The following RXRA variants were observed in gnomAD, a reference collection of about 807,000 sequenced individuals.
RXRA encodes retinoic acid receptor RXR-alpha.
RXRA carries 5 observed loss-of-function variants against 44.5 expected under a neutral mutation model. That is an observed-to-expected ratio of 0.11 (90% CI 0.06 to 0.24). The LOEUF is 0.24. Among genes scored for constraint, RXRA ranks in the 10% least tolerant of loss-of-function variants. The probability of loss-of-function intolerance (pLI) is 1.00; values close to 1 mark genes in which losing one functional copy is unlikely to be tolerated. For missense variants in RXRA, 412 were observed against 646.5 expected (o/e 0.64, Z 3.93); for synonymous variants, 291 against 271.4 (o/e 1.07, Z -0.71).
chr9:134,375,347 C>G (rs933573922), intron 1 of RXRA, among the ~76,000 whole-genome samples: 2 of 152,114 alleles, frequency 1.3e-5, no homozygotes, highest in African/African-American at 4.8e-5. Flanking sequence ...GCTGGCTGGG[C>G]ACCCAGGAAA....
intron 1 of RXRA, among the ~76,000 whole-genome samples, chr9:134,399,146 C>T (rs1048585955): frequency 6.6e-6 from 1 of 152,218 alleles, no homozygotes; most frequent in Non-Finnish European, 1.5e-5. Context: ...AAGAAGCTGG[C>T]TCAGGTTTCC....
At chr9:134,350,407 G>A (rs1830207226) in intron 1 of RXRA, among the ~76,000 whole-genome samples, 1 of 152,214 alleles carries the variant, frequency 6.6e-6, no homozygotes, top group Non-Finnish European at 1.5e-5. Flanking sequence ...CCTGGGTGGT[G>A]GCTCAGAGCT....
At chr9:134,391,658 AGG>A (rs1830801616) in intron 1 of RXRA, among the ~76,000 whole-genome samples, 1 of 152,002 alleles carries the variant, frequency 6.6e-6, no homozygotes, top group Non-Finnish European at 1.5e-5. Context: ...GGCCCTGGAG[AGG>A]TGAGCATTCT....
chr9:134,328,497 TCTCGAGCAGCAG>T (rs1834950811), intron 1 of RXRA, among the ~76,000 whole-genome samples: 2 of 151,988 alleles, frequency 1.3e-5, no homozygotes, highest in African/African-American at 4.8e-5. Context: ...AGTCTTCTGT[TCTCGAGCAGCAG>T]CTCTCCCGAC....
chr9:134,416,480 T>G (rs1168097634), intron 4 of RXRA, among the ~76,000 whole-genome samples: 1 of 152,118 alleles, frequency 6.6e-6, no homozygotes, highest in Non-Finnish European at 1.5e-5. Flanking sequence ...CTCGGTGCCC[T>G]GCATGGGGCA....
intron 1 of RXRA, among the ~76,000 whole-genome samples, chr9:134,350,348 C>G (rs1253315135): frequency 6.6e-6 from 1 of 152,218 alleles, no homozygotes; most frequent in African/African-American, 2.4e-5. Context: ...CCCTTTGCCC[C>G]TCCAAGCCTC....
At chr9:134,374,656 C>T (rs1225029156) in intron 1 of RXRA, among the ~76,000 whole-genome samples, 1 of 152,254 alleles carries the variant, frequency 6.6e-6, no homozygotes, top group Non-Finnish European at 1.5e-5. Context: ...AGGCCAGCGG[C>T]TGCCTGGGGA....
At chr9:134,434,921 G>C (rs917235162) in intron 9 of RXRA, among the ~76,000 whole-genome samples, 2 of 151,910 alleles carry the variant, frequency 1.3e-5, no homozygotes, top group Non-Finnish European at 2.9e-5. Context: ...AGGCCTTCCC[G>C]CCACCAGCAC....
At chr9:134,383,636 C>T (rs1423298084) in intron 1 of RXRA, among the ~76,000 whole-genome samples, 2 of 152,172 alleles carry the variant, frequency 1.3e-5, no homozygotes, top group African/African-American at 2.4e-5. Context: ...ACCAGGCCCT[C>T]AGGCAGCTGG....
At chr9:134,360,714 C>A (rs1425604077) in intron 1 of RXRA, among the ~76,000 whole-genome samples, 2 of 152,206 alleles carry the variant, frequency 1.3e-5, no homozygotes, top group Non-Finnish European at 2.9e-5. Flanking sequence ...GGACCTGGGA[C>A]CACAGAGAGA....
chr9:134,380,478 G>A (rs1318087315), intron 1 of RXRA, among the ~76,000 whole-genome samples: 3 of 121,720 alleles, frequency 2.5e-5, no homozygotes, highest in Non-Finnish European at 3.7e-5. Context: ...AGCAGATGCC[G>A]CCTGTCAGGT....
At chr9:134,330,607 C>A (rs144285542) in intron 1 of RXRA, among the ~76,000 whole-genome samples, 2 of 152,234 alleles carry the variant, frequency 1.3e-5, no homozygotes, top group South Asian at 2.1e-4. Flanking sequence ...TTTCATCCTT[C>A]CTTCCTCTCC....
rs1554746051 is a variant in RXRA, at chr9:134,326,533, C to T, written c.-99C>T. The T allele has an allele frequency of 1.2e-5, 2 of 163,362 alleles. No homozygotes were observed. Among genetic ancestry groups the T allele is most frequent in the African/African-American group, 2.5e-5 (1 of 40,380 alleles). 10.1% of individuals were successfully genotyped at this position (163,362 alleles called of 1,614,324 possible). On this transcript the variant is annotated 5_prime_UTR_variant, in exon 1 of 10. Coordinates refer to ENST00000481739, the MANE Select transcript of RXRA (RefSeq NM_002957.6). ...GCGCCGCCGCCGCCACCGCAGCCGCCGGCTCCCCGCCGCCCGGGCCCGGGC... is the reference window on the plus strand; with the variant it reads ...GCGCCGCCGCCGCCACCGCAGCCGCTGGCTCCCCGCCGCCCGGGCCCGGGC...
intron 7 of RXRA, 52 bp downstream of exon 7, chr9:134,429,292 G>A: frequency 6.3e-7 from 1 of 1,588,518 alleles, no homozygotes; most frequent in Non-Finnish European, 8.6e-7. Flanking sequence ...TCCGCCACCA[G>A]GCCAGCTGAG....
Position 134,417,366 on chromosome 9 carries a change from G to C in RXRA, c.780+39G>C. 6.3e-7 allele frequency: 1 copy of C among 1,599,966 alleles called. No individual in the cohort carries two copies. The highest frequency in any genetic ancestry group is 2.2e-5 in the East Asian group (1 of 44,598). On this transcript the variant is annotated intron_variant, in intron 5 of 9. Coordinates refer to ENST00000481739, the MANE Select transcript of RXRA (RefSeq NM_002957.6). This position sits in a 1 kb window ranked among gnomAD's most constrained non-coding sequence, Gnocchi z 6.1. ...TGTGCAGGGGTGGGCAGCCTCACAT[G>C]CCTCAGTTTCCCTCACTCACTCACC...
intron 1 of RXRA, among the ~76,000 whole-genome samples, chr9:134,331,425 G>A (rs1835003927): frequency 6.6e-6 from 1 of 152,316 alleles, no homozygotes; most frequent in African/African-American, 2.4e-5. Flanking sequence ...GTGTGTGCAC[G>A]CTCACTGTTG....
At chr9:134,402,263 T>A in intron 2 of RXRA, 1 of 230,802 alleles carries the variant, frequency 4.3e-6, no homozygotes, top group Non-Finnish European at 8.4e-6. Flanking sequence ...GCCTGGGTCC[T>A]CCCCTGAAGT....
chr9:134,354,923 A>G (rs1830265252), intron 1 of RXRA, among the ~76,000 whole-genome samples: 1 of 152,218 alleles, frequency 6.6e-6, no homozygotes, highest in Non-Finnish European at 1.5e-5. Context: ...AGCCACTGGG[A>G]AGCCGTGGTT....
chr9:134,370,607 C>T (rs996829318), intron 1 of RXRA, among the ~76,000 whole-genome samples: 1 of 152,240 alleles, frequency 6.6e-6, no homozygotes, highest in African/African-American at 2.4e-5. Flanking sequence ...TTCAGGGTTT[C>T]AGAGTGCTGC....
Sources: gnomAD v4.1 joint callset for allele counts (sites outside exome capture counted in the v4.1 genomes callset) on GRCh38, gnomAD v4.1.1 for gene constraint, Gnocchi (gnomAD v3.1) non-coding constraint, MANE v1.5 for transcripts, NCBI Gene and HGNC (gene_info 2026-07-23, HGNC 2026-07-21) for gene names.